AIG1: variants seen among roughly 807,000 people sequenced by gnomAD.
AIG1 encodes androgen induced 1.
A neutral mutation model predicts 31.4 loss-of-function variants in AIG1; 23 were observed. That is an observed-to-expected ratio of 0.73 (90% confidence interval 0.53 to 1.04). The LOEUF is 1.04. Among genes scored for constraint, AIG1 ranks in the 50% least tolerant of loss-of-function variants. The pLI, the probability that AIG1 is intolerant of heterozygous loss-of-function variation, is 0.00. For missense variants in AIG1, 274 were observed against 295.0 expected (o/e 0.93, Z 0.52); for synonymous variants, 100 against 110.5 (o/e 0.90, Z 0.60).
chr6:143,311,843 G>A (rs1466366125), intron 4 of AIG1, among the ~76,000 whole-genome samples: 1 of 151,982 alleles, frequency 6.6e-6, no homozygotes, highest in African/African-American at 2.4e-5. Flanking sequence ...TGTTAGAAGT[G>A]ATAAACAAAT....
intron 1 of AIG1, among the ~76,000 whole-genome samples, chr6:143,074,473 T>C (rs897598718): frequency 6.6e-6 from 1 of 152,206 alleles, no homozygotes; most frequent in African/African-American, 2.4e-5. Context: ...GAAAATCTAG[T>C]TTTTCCAGCA....
At chr6:143,262,348 G>A (rs1011680329) in intron 3 of AIG1, among the ~76,000 whole-genome samples, 1 of 152,210 alleles carries the variant, frequency 6.6e-6, no homozygotes, top group Admixed American at 6.5e-5. Context: ...CCGCAAGTAA[G>A]TAGTAGGAAG....
At chr6:143,139,863 A>G (rs2128525762) in intron 2 of AIG1, among the ~76,000 whole-genome samples, 1 of 152,350 alleles carries the variant, frequency 6.6e-6, no homozygotes, top group East Asian at 1.9e-4. Flanking sequence ...TGAGGCCAAA[A>G]AAAGCCTGAT....
chr6:143,154,833 T>C (rs1295828946), intron 2 of AIG1, among the ~76,000 whole-genome samples: 1 of 152,130 alleles, frequency 6.6e-6, no homozygotes, highest in East Asian at 1.9e-4. Context: ...AGGGCTTTTT[T>C]GTTTTGTTTT....
chr6:143,329,605 G>A lies in AIG1; in HGVS notation c.516-3677G>A, dbSNP rs1269168569. Among the ~76,000 whole-genome samples the A allele has an allele frequency of 6.6e-6, 1 of 152,172 alleles. No homozygotes were observed. Among genetic ancestry groups the A allele is most frequent in the Non-Finnish European group, 1.5e-5 (1 of 68,030 alleles). ...ACATTGTGTGCTGAAGGAACTTTGT[G>A]AAATACAAAGAACTACTTAAACAAG... On this transcript the variant is annotated intron_variant, in intron 4 of 5. Coordinates refer to ENST00000357847, the MANE Select transcript of AIG1 (RefSeq NM_016108.4). This position sits in a 1 kb window ranked among gnomAD's most constrained non-coding sequence, Gnocchi z 4.9.
intron 4 of AIG1, among the ~76,000 whole-genome samples, chr6:143,308,078 G>A (rs1036835923): frequency 7.9e-5 from 12 of 152,212 alleles, no homozygotes; most frequent in African/African-American, 2.9e-4. Flanking sequence ...TATTGGGGTG[G>A]GAGTGACCCG....
intron 3 of AIG1, among the ~76,000 whole-genome samples, chr6:143,245,891 T>C (rs1049247316): frequency 2.6e-5 from 4 of 152,140 alleles, no homozygotes; most frequent in Admixed American, 2.0e-4. Context: ...TGTGTTCAGG[T>C]CACAAAGATC....
intron 1 of AIG1, among the ~76,000 whole-genome samples, chr6:143,106,532 C>T (rs1780822342): frequency 6.6e-6 from 1 of 152,176 alleles, no homozygotes; most frequent in African/African-American, 2.4e-5. Context: ...TCATCACATA[C>T]AGCAGTCCTG....
At chr6:143,084,263 A>G (rs1261043876) in intron 1 of AIG1, among the ~76,000 whole-genome samples, 3 of 152,310 alleles carry the variant, frequency 2.0e-5, no homozygotes, top group Admixed American at 1.3e-4. Context: ...GAGGACCTTC[A>G]TCCCCTGGGG....
In AIG1 at chr6:143,338,133, C is replaced by A. The variant is rs936695111; in HGVS notation, c.680-1506C>A. The A allele has an allele frequency of 5.0e-6, 2 of 397,638 alleles. No homozygotes were observed. The highest frequency in any genetic ancestry group is 4.1e-5 in the African/African-American group (2 of 48,602). The allele number at this position is 397,638 out of a possible 1,614,324, so 24.6% of individuals were successfully genotyped here. Reference sequence around the variant, plus strand: ...AAAAAACAGACTTTAAAAAGAAAAGCAAACTGCTCTTAGCCCCTGATAGCT... The same window carrying A: ...AAAAAACAGACTTTAAAAAGAAAAGAAAACTGCTCTTAGCCCCTGATAGCT... On this transcript the variant is annotated intron_variant, in intron 5 of 5. Transcript: ENST00000357847. The surrounding 1 kb of genome is among the most constrained non-coding windows in gnomAD (Gnocchi z 4.3).
rs1299056138 is a variant in AIG1 at position 143,143,542 on chromosome 6, TATATATATATATAC to T, written c.297+6554_297+6567del. Among the ~76,000 whole-genome samples, 267 of 117,628 alleles carry T rather than the reference TATATATATATATAC, an allele frequency of 2.3e-3. 9 individuals are homozygous for T. Among genetic ancestry groups the T allele is most frequent in the African/African-American group, 7.5e-3 (208 of 27,558 alleles). 77.2% of individuals were successfully genotyped at this position (117,628 alleles called of 152,430 possible). A position where few individuals can be genotyped will look rare whatever the true frequency, so the allele number is the denominator to read the frequency against. ...AAAAAAAAAAAAATATATATATATA[TATATATATATATAC>T]ACACACACTTAATATCTTCTGATCC... On this transcript the variant is annotated intron_variant, in intron 2 of 5. Transcript: ENST00000357847.
At chr6:143,161,023 G>A (rs1352327767) in intron 2 of AIG1, among the ~76,000 whole-genome samples, 1 of 152,262 alleles carries the variant, frequency 6.6e-6, no homozygotes, top group East Asian at 1.9e-4. Flanking sequence ...ACTCCTAACA[G>A]TGATATGTTA....
chr6:143,123,020 A>G (rs1227301690), intron 1 of AIG1, among the ~76,000 whole-genome samples: 1 of 152,108 alleles, frequency 6.6e-6, no homozygotes. Context: ...TCCCATTGGC[A>G]TGTCCTATAA....
chr6:143,131,388 A>G (rs1444773157), intron 1 of AIG1, among the ~76,000 whole-genome samples: 2 of 152,246 alleles, frequency 1.3e-5, no homozygotes, highest in Non-Finnish European at 2.9e-5. Context: ...ATGATGAGAT[A>G]TAATTCCTTT....
chr6:143,061,149 G>GT, intron 1 of AIG1, 83 bp downstream of exon 1: 1 of 1,337,676 alleles, frequency 7.5e-7, no homozygotes, highest in South Asian at 1.2e-5. Context: ...TGTGTGTGTG[G>GT]ATGCGCGAGC....
Position 143,267,023 on chromosome 6 carries a change from A to G in AIG1, c.400-17087A>G, listed in dbSNP as rs73781138. On this transcript the variant is annotated intron_variant, in intron 3 of 5. Coordinates refer to ENST00000357847, the MANE Select transcript of AIG1 (RefSeq NM_016108.4). Reference sequence around the variant, plus strand: ...TGCACATGAATCAGAAAAGCGACCCAGTCCTTGTCAACGTCCTGCTTCTCT... The same window carrying G: ...TGCACATGAATCAGAAAAGCGACCCGGTCCTTGTCAACGTCCTGCTTCTCT... Among the ~76,000 whole-genome samples, 911 of 152,352 alleles carry G rather than the reference A, an allele frequency of 6.0e-3. 10 individuals carry two copies. The highest frequency in any genetic ancestry group is 0.02 in the African/African-American group (835 of 41,584).
In AIG1 at chr6:143,284,043, G is replaced by A; in HGVS notation, c.400-67G>A. 8.5e-7 allele frequency: 1 copy of A among 1,181,252 alleles called. No homozygotes were observed. Among genetic ancestry groups the A allele is most frequent in the Non-Finnish European group, 1.2e-6 (1 of 804,742 alleles). 73.2% of individuals were successfully genotyped at this position (1,181,252 alleles called of 1,614,324 possible). A position where few individuals can be genotyped will look rare whatever the true frequency, so the allele number is the denominator to read the frequency against. On this transcript the variant is annotated intron_variant, in intron 3 of 5. Transcript: ENST00000357847. The surrounding 1 kb of genome is among the most constrained non-coding windows in gnomAD (Gnocchi z 4.4). ...AATTTATAGTGTGCATTCTCCTACTGGTGAAAAAACAACTATAGAGAGACA... is the reference window on the plus strand; with the variant it reads ...AATTTATAGTGTGCATTCTCCTACTAGTGAAAAAACAACTATAGAGAGACA...
At chr6:143,342,134 G>A (rs1391334321), downstream of AIG1, 3 of 503,132 alleles carry the variant, frequency 6.0e-6, no homozygotes, top group Non-Finnish European at 7.2e-6. Context: ...ATGTTGGTCA[G>A]GCTGGTCTCA....
chr6:143,209,244 G>T (rs1791397680), intron 3 of AIG1, among the ~76,000 whole-genome samples: 2 of 152,170 alleles, frequency 1.3e-5, no homozygotes, highest in African/African-American at 4.8e-5. Flanking sequence ...TATAGGTATT[G>T]AACAGGATAC....
Sources: allele counts gnomAD v4.1 joint callset (sites outside exome capture counted in the v4.1 genomes callset), GRCh38; gene constraint gnomAD v4.1.1; non-coding constraint Gnocchi (gnomAD v3.1); transcripts MANE v1.5; gene names NCBI Gene and HGNC (gene_info 2026-07-23, HGNC 2026-07-21).